The following IL1RAPL1 variants were observed in gnomAD, a reference collection of about 807,000 sequenced individuals.
IL1RAPL1 encodes the protein interleukin-1 receptor accessory protein-like 1.
A neutral mutation model predicts 48.4 loss-of-function variants in IL1RAPL1; 3 were observed. The ratio of observed to expected loss-of-function variants is 0.06; its 90% CI spans 0.03 to 0.16. The LOEUF is 0.16. Among genes scored for constraint, IL1RAPL1 ranks in the 10% least tolerant of loss-of-function variants. The pLI is 1.00. For synonymous variants in IL1RAPL1, 185 were observed against 187.7 expected, an observed-to-expected ratio of 0.99 and a Z score of 0.12; for missense variants, 349 against 530.6, an observed-to-expected ratio of 0.66 and a Z score of 3.36.
chrX:29,575,368 C>T (rs760498090), intron 5 of IL1RAPL1, among the ~76,000 whole-genome samples: 37 of 111,588 alleles, frequency 3.3e-4, no homozygotes, highest in Non-Finnish European at 7.0e-4. Flanking sequence ...ACCTCAAAAG[C>T]GGGGAAGCCA....
chrX:28,737,561 C>T (rs1372996125), intron 1 of IL1RAPL1, among the ~76,000 whole-genome samples: 1 of 110,633 alleles, frequency 9.0e-6, no homozygotes, highest in Non-Finnish European at 1.9e-5. Context: ...CTCAGCCAGC[C>T]CTGAATACTT....
intron 2 of IL1RAPL1, among the ~76,000 whole-genome samples, chrX:28,805,717 A>C (rs1936722894): frequency 9.0e-6 from 1 of 111,245 alleles, no homozygotes; most frequent in Admixed American, 9.6e-5. Context: ...GCTTTCCTAT[A>C]TGCCAGTTGC....
At chrX:29,093,111 A>G (rs1159856097) in intron 2 of IL1RAPL1, among the ~76,000 whole-genome samples, 2 of 112,140 alleles carry the variant, frequency 1.8e-5, no homozygotes, top group East Asian at 5.6e-4. Flanking sequence ...AACAAGATCA[A>G]TCAGGTGACC....
At chrX:28,720,426 A>G (rs754766657) in intron 1 of IL1RAPL1, among the ~76,000 whole-genome samples, 3 of 111,998 alleles carry the variant, frequency 2.7e-5, no homozygotes, top group Non-Finnish European at 5.6e-5. Context: ...TGATTTTGAA[A>G]AAAGGTTGGA....
At chrX:28,987,779 A>G (rs1196738249) in intron 2 of IL1RAPL1, among the ~76,000 whole-genome samples, 3 of 112,062 alleles carry the variant, frequency 2.7e-5, no homozygotes, top group South Asian at 3.7e-4. Flanking sequence ...AAATATGTGA[A>G]TTGACTTTGT....
chrX:29,649,276 A>G (rs1471454197), intron 5 of IL1RAPL1, among the ~76,000 whole-genome samples: 4 of 111,842 alleles, frequency 3.6e-5, no homozygotes, highest in Non-Finnish European at 7.5e-5. Context: ...GATACCAAAA[A>G]CAGATAAGGA....
intron 2 of IL1RAPL1, among the ~76,000 whole-genome samples, chrX:29,228,217 CACACA>C (rs1382638375): frequency 1.4e-5 from 1 of 70,040 alleles, no homozygotes; most frequent in African/African-American, 4.7e-5. Flanking sequence ...CACACACACA[CACACA>C]CAACTGTGAC....
intron 6 of IL1RAPL1, among the ~76,000 whole-genome samples, chrX:29,829,195 CACACACACA>C: frequency 9.5e-6 from 1 of 104,974 alleles, no homozygotes; most frequent in Non-Finnish European, 1.9e-5. Flanking sequence ...CACACACACA[CACACACACA>C]CACACACAAT....
At chrX:29,554,841 T>A (rs1921939111) in intron 5 of IL1RAPL1, among the ~76,000 whole-genome samples, 1 of 112,487 alleles carries the variant, frequency 8.9e-6, no homozygotes. Context: ...GAGTGGGCCA[T>A]GTGTATACTC....
chrX:28,997,577 C>T (rs898907515), intron 2 of IL1RAPL1, among the ~76,000 whole-genome samples: 6 of 111,265 alleles, frequency 5.4e-5, no homozygotes, highest in African/African-American at 2.0e-4. Context: ...ATGCAGCATA[C>T]TATATAAATC....
intron 1 of IL1RAPL1, among the ~76,000 whole-genome samples, chrX:28,737,895 A>G (rs1278278028): frequency 9.0e-6 from 1 of 111,417 alleles, no homozygotes; most frequent in African/African-American, 3.3e-5. Context: ...GAGGCAACCA[A>G]TGACCGAGGC....
intron 6 of IL1RAPL1, among the ~76,000 whole-genome samples, chrX:29,728,393 A>G (rs1474884377): frequency 5.4e-5 from 6 of 112,136 alleles, no homozygotes; most frequent in African/African-American, 1.9e-4. Context: ...ATCTCTCTCA[A>G]TGTGACTGTT....
chrX:29,129,097 G>A (rs895487739), intron 2 of IL1RAPL1, among the ~76,000 whole-genome samples: 8 of 95,841 alleles, frequency 8.3e-5, no homozygotes, highest in African/African-American at 3.3e-4. Context: ...AGGCTGGAGT[G>A]CAATGGCACC....
chrX:28,837,588 A>C (rs964209790), intron 2 of IL1RAPL1, among the ~76,000 whole-genome samples: 3 of 107,974 alleles, frequency 2.8e-5, no homozygotes, highest in South Asian at 4.1e-4. Context: ...GCAAGAGATG[A>C]TAATTCCCAG....
intron 6 of IL1RAPL1, among the ~76,000 whole-genome samples, chrX:29,828,766 G>A (rs1930799436): frequency 9.0e-6 from 1 of 111,433 alleles, no homozygotes; most frequent in South Asian, 3.8e-4. Context: ...ATTCTATGCA[G>A]AATGTACCAT....
intron 6 of IL1RAPL1, among the ~76,000 whole-genome samples, chrX:29,775,655 A>G (rs760681867): frequency 1.8e-5 from 2 of 111,473 alleles, no homozygotes; most frequent in East Asian, 5.6e-4. Flanking sequence ...GGCACTTATT[A>G]TAATAGTCCT....
intron 1 of IL1RAPL1, among the ~76,000 whole-genome samples, chrX:28,785,374 C>T (rs1229660966): frequency 1.8e-5 from 2 of 112,115 alleles, no homozygotes; most frequent in Non-Finnish European, 3.8e-5. Flanking sequence ...GATCCTCCTG[C>T]CTTGACCTCC....
chrX:29,425,129 C>T (rs747811311), intron 5 of IL1RAPL1, among the ~76,000 whole-genome samples: 1 of 111,586 alleles, frequency 9.0e-6, no homozygotes, highest in Admixed American at 9.5e-5. Context: ...CCCTTTATAC[C>T]AAAGGGAATG....
intron 2 of IL1RAPL1, among the ~76,000 whole-genome samples, chrX:28,981,166 C>G (rs1430354819): frequency 2.0e-5 from 2 of 100,299 alleles, no homozygotes; most frequent in Non-Finnish European, 4.0e-5. Context: ...TCTGCTTAGT[C>G]CCATGCTGTA....
Sources: allele counts gnomAD v4.1 joint callset (sites outside exome capture counted in the v4.1 genomes callset), GRCh38; gene constraint gnomAD v4.1.1; transcripts MANE v1.5; gene names NCBI Gene and HGNC (gene_info 2026-07-23, HGNC 2026-07-21).